TENM3: variants seen among roughly 807,000 people sequenced by gnomAD.
TENM3 encodes the protein teneurin transmembrane protein 3, also known as teneurin-3.
In TENM3, 63 loss-of-function variants were observed where a neutral mutation model predicts 255.1. That is an observed-to-expected ratio of 0.25 (90% CI 0.20 to 0.30). The LOEUF (loss-of-function observed/expected upper bound fraction) is 0.30. Ranked by LOEUF, TENM3 falls within the 10% of genes least tolerant of loss-of-function variation. The pLI is 1.00. For missense variants in TENM3, 2,929 were observed against 3,461.1 expected, an observed-to-expected ratio of 0.85 and a Z score of 3.86; for synonymous variants, 1,306 against 1,322.3, an observed-to-expected ratio of 0.99 and a Z score of 0.27.
At chr4:182,768,906 CTG>C (rs898700771) in intron 22 of TENM3, among the ~76,000 whole-genome samples, 1 of 152,104 alleles carries the variant, frequency 6.6e-6, no homozygotes, top group Non-Finnish European at 1.5e-5. Flanking sequence ...AAGGAATGTG[CTG>C]TGTTATGAAT....
At position 182,754,322 on chromosome 4, in the gene TENM3, TCTTCTGGCGAATTAACTGTAGTGCAGTAA is replaced by T; in HGVS notation, c.4018-59_4018-31del. 2 of 1,454,360 alleles carry T rather than the reference TCTTCTGGCGAATTAACTGTAGTGCAGTAA, an allele frequency of 1.4e-6. No homozygotes were observed. The highest frequency in any genetic ancestry group is 2.9e-5 in the South Asian group (2 of 69,908). 90.1% of individuals were successfully genotyped at this position (1,454,360 alleles called of 1,614,324 possible). On this transcript the variant is annotated intron_variant, in intron 21 of 27. Transcript: ENST00000511685. This position sits in a 1 kb window ranked among gnomAD's most constrained non-coding sequence, Gnocchi z 5.1. ...AATTTCCCTGAATGGTCTAATTTAC[TCTTCTGGCGAATTAACTGTAGTGCAGTAA>T]CTTACTAACCAGGCCATTTCTTTTT...
intron 3 of TENM3, among the ~76,000 whole-genome samples, chr4:182,518,824 A>G (rs1401221454): frequency 6.6e-6 from 1 of 152,250 alleles, no homozygotes; most frequent in African/African-American, 2.4e-5. Flanking sequence ...GTTACTTAGC[A>G]ATAAAAAATT....
intron 13 of TENM3, among the ~76,000 whole-genome samples, chr4:182,721,857 C>CT (rs1478820696): frequency 1.3e-5 from 2 of 152,022 alleles, no homozygotes; most frequent in African/African-American, 4.8e-5. Context: ...ATATTTATTT[C>CT]TTTTTTTGCT....
intron 3 of TENM3, among the ~76,000 whole-genome samples, chr4:182,573,846 C>T (rs1560945175): frequency 6.6e-6 from 1 of 152,130 alleles, no homozygotes; most frequent in South Asian, 2.1e-4. Context: ...ATATTTCACA[C>T]ATCACTGAAA....
At chr4:181,973,954 G>T in the TENM3 span, among the ~76,000 whole-genome samples, 2 of 152,170 alleles carry the variant, frequency 1.3e-5, no homozygotes, top group Non-Finnish European at 2.9e-5. Context: ...GGGGACACCG[G>T]CAGGGGTAGG....
chr4:181,553,260 A>AGAGT, the TENM3 span, among the ~76,000 whole-genome samples: 3 of 133,470 alleles, frequency 2.2e-5, no homozygotes, highest in African/African-American at 5.9e-5. Flanking sequence ...ATAGTCATTA[A>AGAGT]GTGTGTGTGT....
the TENM3 span, among the ~76,000 whole-genome samples, chr4:181,967,963 G>A: frequency 6.6e-6 from 1 of 152,068 alleles, no homozygotes; most frequent in African/African-American, 2.4e-5. Flanking sequence ...CCTCTCTATG[G>A]CCAGGGAGTG....
At chr4:182,600,823 A>C in intron 3 of TENM3, 101 bp from the exon 4 acceptor site, 134 of 508,628 alleles carry the variant, frequency 2.6e-4, no homozygotes, top group Middle Eastern at 1.1e-3. Flanking sequence ...TTTTAATTCT[A>C]ATTCATCTGC....
chr4:182,760,518 A>G lies in TENM3; in HGVS notation c.4892+5259A>G, dbSNP rs544607014. 7.2e-4 allele frequency among the ~76,000 whole-genome samples: 109 copies of G among 152,266 alleles called. No homozygotes were observed. In the Middle Eastern group the frequency reaches 0.014, roughly 19 times the overall value. On this transcript the variant is annotated intron_variant, in intron 22 of 27. Transcript: ENST00000511685. Reference sequence around the variant, plus strand: ...TGAAAAACTATGAATTCTGGCCAATATGTACATGCACACCAGCAGGTTAGC... The same window carrying G: ...TGAAAAACTATGAATTCTGGCCAATGTGTACATGCACACCAGCAGGTTAGC...
the TENM3 span, among the ~76,000 whole-genome samples, chr4:181,850,253 TATG>T: frequency 2.6e-5 from 4 of 152,226 alleles, no homozygotes; most frequent in South Asian, 4.1e-4. Context: ...ACTTAAAAAT[TATG>T]ATGATATCTC....
At chr4:181,772,714 T>C in the TENM3 span, among the ~76,000 whole-genome samples, 773 of 152,304 alleles carry the variant, frequency 5.1e-3, 7 homozygotes, top group African/African-American at 0.018. Context: ...TTCAAGAATA[T>C]ATTTGAACAA....
At chr4:181,676,253 T>G in the TENM3 span, among the ~76,000 whole-genome samples, 2 of 152,202 alleles carry the variant, frequency 1.3e-5, no homozygotes, top group Non-Finnish European at 2.9e-5. Context: ...TAAAGAAAAC[T>G]TCACAAACAA....
chr4:182,516,099 A>G (rs1737913724), intron 3 of TENM3, among the ~76,000 whole-genome samples: 1 of 152,252 alleles, frequency 6.6e-6, no homozygotes, highest in Non-Finnish European at 1.5e-5. Context: ...GACCCTAGGC[A>G]GAGAGTTGAC....
the TENM3 span, among the ~76,000 whole-genome samples, chr4:181,920,182 C>T: frequency 1.3e-5 from 2 of 151,786 alleles, no homozygotes; most frequent in East Asian, 3.9e-4. Context: ...TGAATAGTGC[C>T]GCAATAAACA....
intron 10 of TENM3, among the ~76,000 whole-genome samples, chr4:182,681,591 A>G (rs1170319889): frequency 1.3e-5 from 2 of 152,228 alleles, no homozygotes; most frequent in African/African-American, 4.8e-5. Context: ...GAAAATTACA[A>G]ATCCTTGCAA....
At chr4:182,292,079 T>C (rs1761167013) in intron 1 of TENM3, among the ~76,000 whole-genome samples, 1 of 152,198 alleles carries the variant, frequency 6.6e-6, no homozygotes, top group South Asian at 2.1e-4. Context: ...TTTTGCCATA[T>C]GAGTGCCTTC....
intron 16 of TENM3, among the ~76,000 whole-genome samples, chr4:182,735,977 T>C (rs1761130977): frequency 6.6e-6 from 1 of 152,192 alleles, no homozygotes; most frequent in Non-Finnish European, 1.5e-5. Context: ...ATATTCATTT[T>C]TACAGTCCAG....
chr4:182,212,954 A>G (rs893728312), intron 1 of TENM3, among the ~76,000 whole-genome samples: 1 of 152,204 alleles, frequency 6.6e-6, no homozygotes, highest in Non-Finnish European at 1.5e-5. Flanking sequence ...GGACCACATT[A>G]TGAACATCTA....
chr4:181,948,630 C>G, the TENM3 span, among the ~76,000 whole-genome samples: 1 of 152,082 alleles, frequency 6.6e-6, no homozygotes, highest in Non-Finnish European at 1.5e-5. Flanking sequence ...GTTGGCCAGG[C>G]TGATCTCGAA....
Sources: gnomAD v4.1 joint callset for allele counts (sites outside exome capture counted in the v4.1 genomes callset) on GRCh38, gnomAD v4.1.1 for gene constraint, Gnocchi (gnomAD v3.1) non-coding constraint, MANE v1.5 for transcripts, NCBI Gene and HGNC (gene_info 2026-07-23, HGNC 2026-07-21) for gene names.